Variants in ZFP57 observed in about 807,000 individuals in gnomAD.
ZFP57 encodes the protein zinc finger protein 57 homolog.
A neutral mutation model predicts 15.8 loss-of-function variants in ZFP57; 12 were observed. The observed-to-expected ratio is 0.76, with a 90% CI of 0.49 to 1.23. The LOEUF is 1.23. ZFP57 is among the 50% of genes most tolerant of loss of function. The pLI is 0.00. For missense variants in ZFP57, 536 were observed against 654.9 expected (o/e 0.82, Z 1.98); for synonymous variants, 203 against 242.3 (o/e 0.84, Z 1.51).
At position 29,672,829 on chromosome 6, in the gene ZFP57, C is replaced by G. The variant is rs758763239; in HGVS notation, c.1282G>C (p.Val428Leu). Residue 428 changes from valine to leucine, a missense_variant, in exon 5 of 5, where the codon GTC becomes CTC. Coordinates refer to ENST00000376883, the MANE Select transcript of ZFP57 (RefSeq NM_001109809.5). Reference sequence around the variant, plus strand: ...TTCCAGTGGGTCTGCTGGTGTCTGACCAGCCTGGAAAATGAGCTGAAAGAC... The same window carrying G: ...TTCCAGTGGGTCTGCTGGTGTCTGAGCAGCCTGGAAAATGAGCTGAAAGAC... ...SKSFSSFSRL[V>L]RHQQTHWKQK... The G allele has an allele frequency of 6.2e-7, 1 of 1,613,088 alleles. No homozygotes were observed. Among genetic ancestry groups the G allele is most frequent in the South Asian group, 1.1e-5 (1 of 91,084 alleles).
rs775582817 is a variant in ZFP57 at position 29,672,852 on chromosome 6, G to C, written c.1259C>G (p.Ser420Cys). 1 of 1,613,124 alleles carries C rather than the reference G, an allele frequency of 6.2e-7. No individual in the cohort carries two copies. Among genetic ancestry groups the C allele is most frequent in the Non-Finnish European group, 8.5e-7 (1 of 1,180,040 alleles). ...PPNYCFHCSK[S>C]FSSFSRLVRH... Reference sequence around the variant, plus strand: ...GACCAGCCTGGAAAATGAGCTGAAAGACTTGCTGCAATGGAAGCAGTAGTT... The same window carrying C: ...GACCAGCCTGGAAAATGAGCTGAAACACTTGCTGCAATGGAAGCAGTAGTT... The change falls in exon 5 of 5, where the codon TCT becomes TGT. Residue 420 changes from serine (S) to cysteine (C), a missense_variant. Ser to Cys is a moderately radical substitution (Grantham distance 112, BLOSUM62 -1). Coordinates refer to ENST00000376883, the MANE Select transcript of ZFP57 (RefSeq NM_001109809.5).
At position 29,673,186 on chromosome 6, in the gene ZFP57, C is replaced by A; in HGVS notation, c.925G>T (p.Ala309Ser). 1.9e-6 allele frequency: 3 copies of A among 1,612,888 alleles called. No homozygotes were observed. Among genetic ancestry groups the A allele is most frequent in the Non-Finnish European group, 2.5e-6 (3 of 1,179,994 alleles). The change falls in exon 5 of 5, where the codon GCC becomes TCC. Residue 309 changes from alanine (A) to serine (S), a missense_variant. Physicochemically the swap from Ala to Ser is moderately conservative, Grantham distance 99. Transcript: ENST00000376883. This position sits in a 1 kb window ranked among gnomAD's most constrained non-coding sequence, Gnocchi z 4.7. ...CCCTGGATGGACCTCTGGCTTCTGG[C>A]GATGGGTGTCTGGAATTCAGCCTGG... Reference protein sequence around the residue: ...GTQAEFQTPIARSQRSIQGLL... With the variant: ...GTQAEFQTPISRSQRSIQGLL...
chr6:29,678,527 T>A (rs1455107719), intron 1 of ZFP57, among the ~76,000 whole-genome samples: 1 of 152,186 alleles, frequency 6.6e-6, no homozygotes. Flanking sequence ...AAGGTAAAAA[T>A]TCTTGTCTTA....
chr6:29,673,343 G>A lies in ZFP57; in HGVS notation c.768C>T (p.Tyr256=), dbSNP rs775414598. 7.4e-6 allele frequency: 12 copies of A among 1,612,940 alleles called. No homozygotes were observed. Among genetic ancestry groups the A allele is most frequent in the South Asian group, 1.1e-5 (1 of 91,090 alleles). ...CACACACAGAGCATGAATGGGGCCG[G>A]TAACCCAGATGGACGCGGCGGTGAC... The part of the protein sequence containing the change: ...LSRHRRVHLG[Y]RPHSCSVCGK... The change falls in exon 5 of 5, where the codon TAC becomes TAT. Residue 256 remains tyrosine, a synonymous_variant. Transcript: ENST00000376883. This position sits in a 1 kb window ranked among gnomAD's most constrained non-coding sequence, Gnocchi z 4.7.
chr6:29,673,558 T>A lies in ZFP57; in HGVS notation c.553A>T (p.Ser185Cys). Residue 185 changes from serine (S) to cysteine (C), a missense_variant, in exon 5 of 5, where the codon AGC becomes TGC. Physicochemically the swap from Ser to Cys is moderately radical, Grantham distance 112. Transcript: ENST00000376883. This position sits in a 1 kb window ranked among gnomAD's most constrained non-coding sequence, Gnocchi z 4.7. ...TGGCTATAGAGGTAGGAGCGCCTGC[T>A]GAAACATTTGCCACAGGTGTAGCAA... ...FFCYTCGKCFSRRSYLYSHQF... is the reference protein window; with the variant it reads ...FFCYTCGKCFCRRSYLYSHQF... The A allele has an allele frequency of 6.2e-7, 1 of 1,613,058 alleles. No homozygotes were observed. Among genetic ancestry groups the A allele is most frequent in the Non-Finnish European group, 8.5e-7 (1 of 1,180,024 alleles).
intron 1 of ZFP57, among the ~76,000 whole-genome samples, chr6:29,679,913 A>AC (rs146390056): frequency 2.6e-4 from 25 of 96,834 alleles, no homozygotes; most frequent in Admixed American, 2.1e-3. Flanking sequence ...AAACAAACAA[A>AC]AAAAAACGCC....
chr6:29,672,869 G>A lies in ZFP57; in HGVS notation c.1242C>T (p.Cys414=), dbSNP rs1445404101. Residue 414 remains cysteine, a synonymous_variant, in exon 5 of 5, where the codon TGC becomes TGT. Coordinates refer to ENST00000376883, the MANE Select transcript of ZFP57 (RefSeq NM_001109809.5). ...AGCTGAAAGACTTGCTGCAATGGAA[G>A]CAGTAGTTGGGCGGCTCTGTGAGGT... is the stretch of plus-strand genomic sequence containing the variant. The part of the protein sequence containing the change: ...KAHLTEPPNY[C]FHCSKSFSSF... 1.2e-6 allele frequency: 2 copies of A among 1,613,112 alleles called. No homozygotes were observed. The highest frequency in any genetic ancestry group is 1.7e-6 in the Non-Finnish European group (2 of 1,180,038).
In ZFP57 at chr6:29,673,765, T is replaced by G; in HGVS notation, c.353-7A>C. ...AGCTCTTTCTTCTTGCCTTCTACAG[T>G]GAATGAGGAAGAATAACACAAAATT... On this transcript the variant is annotated splice_region_variant and splice_polypyrimidine_tract_variant and intron_variant, in intron 4 of 4. Transcript: ENST00000376883. The surrounding 1 kb of genome is among the most constrained non-coding windows in gnomAD (Gnocchi z 4.7). The G allele has an allele frequency of 1.2e-6, 2 of 1,612,808 alleles. No homozygotes were observed. Among genetic ancestry groups the G allele is most frequent in the Non-Finnish European group, 1.7e-6 (2 of 1,179,994 alleles).
chr6:29,677,666 A>T (rs1463404868), intron 1 of ZFP57, among the ~76,000 whole-genome samples: 1 of 152,222 alleles, frequency 6.6e-6, no homozygotes, highest in Non-Finnish European at 1.5e-5. Flanking sequence ...GATCTGTCAC[A>T]GATCACCTCG....
At chr6:29,676,536 AAAAAAAAAAAAAAG>A (rs1380277431) in intron 2 of ZFP57, among the ~76,000 whole-genome samples, 3 of 86,318 alleles carry the variant, frequency 3.5e-5, no homozygotes, top group African/African-American at 1.2e-4. Flanking sequence ...ACTCCGTCTC[AAAAAAAAAAAAAAG>A]AAAAAAAAAA....
chr6:29,674,726 A>G lies in ZFP57; in HGVS notation c.352+660T>C, dbSNP rs1771983092. Among the ~76,000 whole-genome samples the G allele has an allele frequency of 2.6e-5, 4 of 152,224 alleles. No homozygotes were observed. In the South Asian group the frequency reaches 8.3e-4, roughly 32 times the overall value. Reference sequence around the variant, plus strand: ...GCCTCCCTTACTCCAACCCAGCATGAAACCTATCTCCTTTGCTTCTCTTTT... The same window carrying G: ...GCCTCCCTTACTCCAACCCAGCATGGAACCTATCTCCTTTGCTTCTCTTTT... On this transcript the variant is annotated intron_variant, in intron 4 of 4. Coordinates refer to ENST00000376883, the MANE Select transcript of ZFP57 (RefSeq NM_001109809.5).
At position 29,677,371 on chromosome 6, in the gene ZFP57, G is replaced by C. The variant is rs550545958; in HGVS notation, c.-363-5C>G. On this transcript the variant is annotated splice_polypyrimidine_tract_variant and splice_region_variant and intron_variant, in intron 1 of 4. Transcript: ENST00000376883. ...TTCTACCCTGCTTCTAGAAACCTGA[G>C]GTCAGAGAAAAACAAAACATATCAG... 4 of 319,040 alleles carry C rather than the reference G, an allele frequency of 1.3e-5. No homozygotes were observed. In the East Asian group the frequency reaches 2.2e-4, roughly 18 times the overall value. 19.8% of individuals were successfully genotyped at this position (319,040 alleles called of 1,614,324 possible).
chr6:29,672,712 GGTCCT>G lies in ZFP57; in HGVS notation c.1394_1398del (p.Lys465ThrfsTer8). The G allele has an allele frequency of 6.2e-7, 1 of 1,613,080 alleles. No individual in the cohort carries two copies. Among genetic ancestry groups the G allele is most frequent in the African/African-American group, 1.3e-5 (1 of 75,038 alleles). ...CATTTATGGTGGCTGCTCTGGCACA[GGTCCT>G]TGCCTTTATAGCCCCTCCAGTGATC... On this transcript the variant is annotated frameshift_variant, in exon 5 of 5. Transcript: ENST00000376883. LOFTEE classifies it low-confidence loss of function (END_TRUNC).
At chr6:29,680,577 G>C (rs1428307008) in intron 1 of ZFP57, among the ~76,000 whole-genome samples, 1 of 152,104 alleles carries the variant, frequency 6.6e-6, no homozygotes, top group African/African-American at 2.4e-5. Context: ...TCGCCGCCCT[G>C]GTGGGCGCTC....
At position 29,673,612 on chromosome 6, in the gene ZFP57, G is replaced by T; in HGVS notation, c.499C>A (p.Gln167Lys). The change falls in exon 5 of 5, where the codon CAA becomes AAA. Residue 167 changes from glutamine to lysine, a missense_variant. By Grantham distance (53) the Gln-to-Lys change is moderately conservative (BLOSUM62 1). Coordinates refer to ENST00000376883, the MANE Select transcript of ZFP57 (RefSeq NM_001109809.5). This position sits in a 1 kb window ranked among gnomAD's most constrained non-coding sequence, Gnocchi z 4.7. The part of the protein sequence containing the change: ...AGTMDRTRVL[Q>K]ASQAGPPFFC... ...AAGGGTGGCCCAGCCTGGGATGCTT[G>T]AAGCACCCGGGTCCTGTCCATAGTC... 1.9e-6 allele frequency: 3 copies of T among 1,612,942 alleles called. No homozygotes were observed. The highest frequency in any genetic ancestry group is 2.5e-6 in the Non-Finnish European group (3 of 1,179,952).
chr6:29,676,788 A>G (rs1772098987), intron 2 of ZFP57, 93 bp downstream of exon 2: 6 of 1,523,104 alleles, frequency 3.9e-6, no homozygotes, highest in Non-Finnish European at 4.5e-6. Flanking sequence ...GAACAATCTG[A>G]GATTTCATTT....
rs867623332 is a variant in ZFP57, at chr6:29,676,490, C to T, written c.123+391G>A. On this transcript the variant is annotated intron_variant, in intron 2 of 4. Coordinates refer to ENST00000376883, the MANE Select transcript of ZFP57 (RefSeq NM_001109809.5). ...GGCAGAGGTAGCAGTGAGCCAAGAT[C>T]GCGCCACCGCACTCCAGCCTGGGTG... 2.1e-5 allele frequency among the ~76,000 whole-genome samples: 3 copies of T among 143,294 alleles called. No individual in the cohort carries two copies. In the South Asian group the frequency reaches 6.9e-4, roughly 33 times the overall value. The allele number at this position is 143,294 out of a possible 152,430, so 94.0% of individuals were successfully genotyped here. A position where few individuals can be genotyped will look rare whatever the true frequency, so the allele number is the denominator to read the frequency against.
rs1771844169 is a variant in ZFP57 at position 29,673,380 on chromosome 6, G to C, written c.731C>G (p.Ser244Cys). 2.5e-6 allele frequency: 4 copies of C among 1,612,962 alleles called. No individual in the cohort carries two copies. Among genetic ancestry groups the C allele is most frequent in the Non-Finnish European group, 3.4e-6 (4 of 1,180,046 alleles). ...TLCDKTYCDA[S>C]GLSRHRRVHL... ...GACGCGGCGGTGACGACTTAGTCCA[G>C]AAGCATCACAGTAGGTCTTGTCACA... The change falls in exon 5 of 5, where the codon TCT becomes TGT. Residue 244 changes from serine to cysteine, a missense_variant. By Grantham distance (112) the Ser-to-Cys change is moderately radical. Coordinates refer to ENST00000376883, the MANE Select transcript of ZFP57 (RefSeq NM_001109809.5). This position sits in a 1 kb window ranked among gnomAD's most constrained non-coding sequence, Gnocchi z 4.7.
intron 1 of ZFP57, among the ~76,000 whole-genome samples, chr6:29,678,939 A>T (rs1226956459): frequency 1.4e-4 from 21 of 152,218 alleles, no homozygotes; most frequent in Non-Finnish European, 5.9e-5. Flanking sequence ...CTGAGGCAGA[A>T]TTACTTGAAC....
Sources: allele counts gnomAD v4.1 joint callset (sites outside exome capture counted in the v4.1 genomes callset), GRCh38; gene constraint gnomAD v4.1.1; non-coding constraint Gnocchi (gnomAD v3.1); transcripts MANE v1.5; gene names NCBI Gene and HGNC (gene_info 2026-07-23, HGNC 2026-07-21).